WDR41: variants seen among roughly 807,000 people sequenced by gnomAD.
WDR41 encodes the protein WD repeat domain 41.
WDR41 carries 63 observed loss-of-function variants against 69.3 expected under a neutral mutation model. The ratio of observed to expected loss-of-function variants is 0.91; its 90% confidence interval spans 0.74 to 1.12. The LOEUF (loss-of-function observed/expected upper bound fraction) is 1.12. Ranked by LOEUF, WDR41 falls within the 50% of genes most tolerant of loss-of-function variation. The probability of loss-of-function intolerance (pLI) is 0.00; values close to 1 mark genes in which losing one functional copy is unlikely to be tolerated. For missense variants in WDR41, 543 were observed against 534.5 expected, an observed-to-expected ratio of 1.02 and a Z score of -0.16; for synonymous variants, 185 against 192.1, an observed-to-expected ratio of 0.96 and a Z score of 0.31.
chr5:77,453,829 G>T lies in WDR41; in HGVS notation c.511C>A (p.Leu171Ile). The T allele has an allele frequency of 1.2e-6, 2 of 1,613,544 alleles. No homozygotes were observed. Among genetic ancestry groups the T allele is most frequent in the Non-Finnish European group, 1.7e-6 (2 of 1,179,582 alleles). ...KLDLLCKTSH[L>I]SDTGISALVE... ...TGATGTTTTTTACCTGTATCAGAAA[G>T]GTGGCTAGTCTTACACAGGAGATCT... Residue 171 changes from leucine (L) to isoleucine (I), a missense_variant, in exon 6 of 13, where the codon CTT (leucine) becomes ATT (isoleucine). Leu to Ile is a conservative substitution (Grantham distance 5). Transcript: ENST00000296679.
intron 1 of WDR41, among the ~76,000 whole-genome samples, chr5:77,581,376 A>G (rs767021564): frequency 9.2e-5 from 14 of 152,236 alleles, no homozygotes; most frequent in Non-Finnish European, 1.5e-4. Flanking sequence ...ACAGAAATGA[A>G]GGGAGAAACA....
intron 9 of WDR41, among the ~76,000 whole-genome samples, chr5:77,439,773 A>T (rs1012571878): frequency 2.0e-5 from 3 of 152,244 alleles, no homozygotes; most frequent in Admixed American, 2.0e-4. Flanking sequence ...CAATTAAAAA[A>T]TTTAAGATTA....
At chr5:77,609,880 A>G (rs1037639574) in intron 1 of WDR41, among the ~76,000 whole-genome samples, 3 of 152,222 alleles carry the variant, frequency 2.0e-5, no homozygotes, top group Non-Finnish European at 4.4e-5. Flanking sequence ...GGAAATTCAA[A>G]CCAAAGGCAA....
intron 1 of WDR41, among the ~76,000 whole-genome samples, chr5:77,611,960 A>G (rs902540449): frequency 6.6e-6 from 1 of 152,220 alleles, no homozygotes; most frequent in Non-Finnish European, 1.5e-5. Context: ...AAAAGGGGAT[A>G]TCACCACTGA....
At chr5:77,435,974 G>A (rs1798923354) in intron 12 of WDR41, among the ~76,000 whole-genome samples, 1 of 152,114 alleles carries the variant, frequency 6.6e-6, no homozygotes, top group African/African-American at 2.4e-5. Flanking sequence ...TTGTCATATA[G>A]TCAACATTAT....
At chr5:77,460,560 G>T (rs934513657) in intron 4 of WDR41, among the ~76,000 whole-genome samples, 1 of 152,028 alleles carries the variant, frequency 6.6e-6, no homozygotes, top group Non-Finnish European at 1.5e-5. Flanking sequence ...TACAGGTTGG[G>T]TATCCCTTAT....
In WDR41 at chr5:77,533,291, C is replaced by T. The variant is rs111591476; in HGVS notation, c.43-43719G>A. ...GTAGTGTGTAGTTGGAGGCAACCTC[C>T]GTGTTTCTTAGAAAAGGAACTAATA... On this transcript the variant is annotated intron_variant, in intron 1 of 5. Coordinates refer to the WDR41 transcript ENST00000509971. Among the ~76,000 whole-genome samples, 565 of 152,146 alleles carry T rather than the reference C, an allele frequency of 3.7e-3. 2 individuals are homozygous for T. Among genetic ancestry groups the T allele is most frequent in the African/African-American group, 0.013 (526 of 41,492 alleles).
intron 1 of WDR41, among the ~76,000 whole-genome samples, chr5:77,595,178 C>CT (rs547258658): frequency 1.2e-4 from 18 of 152,208 alleles, no homozygotes; most frequent in African/African-American, 4.1e-4. Flanking sequence ...GCTATAAAGT[C>CT]TTTAAAGGTA....
intron 8 of WDR41, among the ~76,000 whole-genome samples, chr5:77,447,711 G>A (rs777009415): frequency 1.3e-5 from 2 of 152,088 alleles, no homozygotes; most frequent in African/African-American, 2.4e-5. Context: ...ACTGGAAACT[G>A]AACAATGAGA....
In WDR41 at chr5:77,508,593, C is replaced by T. The variant is rs948235280; in HGVS notation, c.43-19021G>A. 2.0e-5 allele frequency among the ~76,000 whole-genome samples: 3 copies of T among 152,142 alleles called. 1 individual carries two copies. The highest frequency in any genetic ancestry group is 2.1e-4 in the South Asian group (1 of 4,824). On this transcript the variant is annotated intron_variant, in intron 1 of 5. Coordinates refer to the WDR41 transcript ENST00000509971. ...ACCCTCTCACTGGCAGTTCTGTTGGCTGCTTTTTCTTCTTGTGTATGGGTC... is the reference window on the plus strand; with the variant it reads ...ACCCTCTCACTGGCAGTTCTGTTGGTTGCTTTTTCTTCTTGTGTATGGGTC...
chr5:77,552,305 A>C (rs1407415472), intron 1 of WDR41, among the ~76,000 whole-genome samples: 1 of 152,150 alleles, frequency 6.6e-6, no homozygotes, highest in Non-Finnish European at 1.5e-5. Context: ...ACTCCAAGGA[A>C]AATGAAATAC....
intron 1 of WDR41, among the ~76,000 whole-genome samples, chr5:77,617,368 T>G (rs563030238): frequency 1.3e-5 from 2 of 151,886 alleles, no homozygotes; most frequent in Admixed American, 1.3e-4. Flanking sequence ...TTAAAATAAT[T>G]TTCTGTCTCT....
At chr5:77,443,949 C>G (rs188907354) in intron 8 of WDR41, among the ~76,000 whole-genome samples, 11 of 135,390 alleles carry the variant, frequency 8.1e-5, no homozygotes, top group East Asian at 4.6e-4. Context: ...GTAACACAAT[C>G]TTGGCTCCCT....
chr5:77,476,740 C>A (rs1022586259), intron 2 of WDR41, among the ~76,000 whole-genome samples: 2 of 150,778 alleles, frequency 1.3e-5, no homozygotes, highest in African/African-American at 4.9e-5. Context: ...TAAAGACCAT[C>A]GAGACTAGGA....
chr5:77,500,561 C>A (rs1168173324), intron 1 of WDR41, among the ~76,000 whole-genome samples: 1 of 152,158 alleles, frequency 6.6e-6, no homozygotes, highest in East Asian at 1.9e-4. Flanking sequence ...ACCCTACACA[C>A]AAAAATTTAA....
At chr5:77,548,245 C>G (rs1408927304) in intron 1 of WDR41, among the ~76,000 whole-genome samples, 2 of 152,114 alleles carry the variant, frequency 1.3e-5, no homozygotes, top group Non-Finnish European at 2.9e-5. Context: ...GACCAAGAAC[C>G]CAAAAGCAAA....
rs1221951700 is a variant in WDR41 at position 77,453,929 on chromosome 5, C to T, written c.412-1G>A. The T allele has an allele frequency of 1.2e-6, 2 of 1,610,522 alleles. No homozygotes were observed. Among genetic ancestry groups the T allele is most frequent in the South Asian group, 2.2e-5 (2 of 90,996 alleles). ...CTAGTCTCTGAAGAACAGTTAAACA[C>T]TGCAAAATTTATTTGAAATGTATAT... On this transcript the variant is annotated splice_acceptor_variant, in intron 5 of 12. Coordinates refer to ENST00000296679, the MANE Select transcript of WDR41 (RefSeq NM_018268.4). LOFTEE classifies it high-confidence loss of function.
chr5:77,443,177 T>A (rs914079508), intron 8 of WDR41, among the ~76,000 whole-genome samples: 2 of 152,088 alleles, frequency 1.3e-5, no homozygotes, highest in Non-Finnish European at 2.9e-5. Flanking sequence ...AAAAATCAAA[T>A]TGAATAATAA....
Position 77,437,345 on chromosome 5 carries a change from C to T in WDR41, c.1084G>A (p.Val362Ile). The change falls in exon 11 of 13, where the codon GTA becomes ATA. Residue 362 changes from valine to isoleucine, a missense_variant. By Grantham distance (29) the Val-to-Ile change is conservative (BLOSUM62 3). Coordinates refer to ENST00000296679, the MANE Select transcript of WDR41 (RefSeq NM_018268.4). ...GAGAGAAGACACACACCTGTTGGTA[C>T]AGGCTCAGCTGCAAGCTGCTGTTTT... ...REKQQLAAEP[V>I]PTGFFNMWGF... 1 of 1,613,658 alleles carries T rather than the reference C, an allele frequency of 6.2e-7. No individual in the cohort carries two copies. The highest frequency in any genetic ancestry group is 8.5e-7 in the Non-Finnish European group (1 of 1,179,740).
Sources: allele counts gnomAD v4.1 joint callset (sites outside exome capture counted in the v4.1 genomes callset), GRCh38; gene constraint gnomAD v4.1.1; transcripts MANE v1.5; gene names NCBI Gene and HGNC (gene_info 2026-07-23, HGNC 2026-07-21).